The following AP1S2 variants were observed in gnomAD, a reference collection of about 807,000 sequenced individuals.
AP1S2 encodes the protein AP-1 complex subunit sigma-2.
AP1S2 carries 1 observed loss-of-function variant against 14.3 expected under a neutral mutation model. The observed-to-expected ratio is 0.07, with a 90% CI of 0.02 to 0.33. The LOEUF is 0.33. Ranked by LOEUF, AP1S2 falls within the 10% of genes least tolerant of loss-of-function variation. The pLI is 0.99. For synonymous variants in AP1S2, 30 were observed against 40.5 expected, an observed-to-expected ratio of 0.74 and a Z score of 0.99; for missense variants, 30 against 117.7, an observed-to-expected ratio of 0.25 and a Z score of 3.45.
intron 4 of AP1S2, chrX:15,833,495 GA>G: frequency 2.3e-6 from 2 of 866,231 alleles, no homozygotes; most frequent in South Asian, 3.0e-5. Flanking sequence ...CTCTTCACTG[GA>G]AAAACATCCT....
chrX:15,830,217 TG>T (rs1933388602), intron 4 of AP1S2: 1 of 750,575 alleles, frequency 1.3e-6, no homozygotes, highest in Non-Finnish European at 1.6e-6. Context: ...TGCATATTTA[TG>T]TAGCATTAAA....
chrX:15,826,656 T>C lies in AP1S2; in HGVS notation c.*669A>G, dbSNP rs1441409542. On this transcript the variant is annotated 3_prime_UTR_variant, in exon 6 of 6. Coordinates refer to ENST00000672987, the MANE Select transcript of AP1S2 (RefSeq NM_001272071.2). ...AAATGTGCCTTGGCCTTAAAAATTA[T>C]GTGCTTACTATTGTGAAACAATCCT... 9.0e-6 allele frequency: 1 copy of C among 111,058 alleles called. No individual in the cohort carries two copies. The highest frequency in any genetic ancestry group is 9.6e-5 in the Admixed American group (1 of 10,418). 9.2% of individuals were successfully genotyped at this position (111,058 alleles called of 1,213,427 possible). A position where few individuals can be genotyped will look rare whatever the true frequency, so the allele number is the denominator to read the frequency against.
intron 4 of AP1S2, among the ~76,000 whole-genome samples, chrX:15,834,466 AT>A (rs1172475807): frequency 0.064 from 2,323 of 36,070 alleles, 129 homozygotes; most frequent in Middle Eastern, 0.12. Flanking sequence ...ATATATATAT[AT>A]ATATATATAT....
intron 4 of AP1S2, among the ~76,000 whole-genome samples, chrX:15,841,368 G>C (rs901441594): frequency 9.0e-6 from 1 of 111,168 alleles, no homozygotes; most frequent in Non-Finnish European, 1.9e-5. Context: ...GTCATCTTTG[G>C]TGCTTAGAAA....
chrX:15,854,370 G>A (rs1453648779), intron 1 of AP1S2, among the ~76,000 whole-genome samples: 10 of 112,259 alleles, frequency 8.9e-5, no homozygotes, highest in African/African-American at 3.2e-4. Context: ...CGCAGGGGGC[G>A]CCAAGAGTCC....
intron 4 of AP1S2, chrX:15,833,177 C>A: frequency 1.3e-6 from 1 of 753,865 alleles, no homozygotes; most frequent in Non-Finnish European, 1.6e-6. Context: ...CATGTAAAAA[C>A]CAACCATCGA....
intron 4 of AP1S2, among the ~76,000 whole-genome samples, chrX:15,836,507 T>G (rs891421893): frequency 1.8e-5 from 2 of 112,443 alleles, no homozygotes; most frequent in Non-Finnish European, 3.8e-5. Flanking sequence ...CTACATCTTA[T>G]AAATAACACT....
At chrX:15,851,900 CGTGA>C (rs1934191329) in intron 2 of AP1S2, among the ~76,000 whole-genome samples, 1 of 112,033 alleles carries the variant, frequency 8.9e-6, no homozygotes, top group Non-Finnish European at 1.9e-5. Flanking sequence ...GGTATTTACA[CGTGA>C]GTAAGATTCT....
At chrX:15,850,362 G>T (rs1278361366) in intron 2 of AP1S2, among the ~76,000 whole-genome samples, 2 of 110,111 alleles carry the variant, frequency 1.8e-5, no homozygotes, top group Non-Finnish European at 3.8e-5. Flanking sequence ...TCTCCGCTTT[G>T]TTGTTGTCGT....
chrX:15,849,650 C>T (rs907300796), intron 2 of AP1S2, among the ~76,000 whole-genome samples: 7 of 111,905 alleles, frequency 6.3e-5, no homozygotes, highest in African/African-American at 2.0e-4. Context: ...TGGCTCAACA[C>T]GGACAGACTG....
At chrX:15,845,304 G>GT in intron 4 of AP1S2, 75 bp downstream of exon 4, 1 of 1,197,479 alleles carries the variant, frequency 8.4e-7, no homozygotes, top group South Asian at 1.8e-5. Context: ...TTCTGAAACT[G>GT]TAAGAATGAT....
At chrX:15,854,554 C>T in intron 1 of AP1S2, 134 bp downstream of exon 1, 1 of 157,678 alleles carries the variant, frequency 6.3e-6, no homozygotes, top group Non-Finnish European at 1.1e-5. Context: ...GTTGCGGGCG[C>T]GGCGACCCAG....
intron 1 of AP1S2, chrX:15,852,739 A>T: frequency 5.2e-6 from 2 of 388,092 alleles, no homozygotes; most frequent in African/African-American, 2.7e-5. Context: ...GTTCCACATT[A>T]AGTTTGAAGG....
chrX:15,827,388 G>T lies in AP1S2; in HGVS notation c.436-16C>A, dbSNP rs1316168525. On this transcript the variant is annotated splice_polypyrimidine_tract_variant and intron_variant, in intron 5 of 5. Coordinates refer to ENST00000672987, the MANE Select transcript of AP1S2 (RefSeq NM_001272071.2). Reference sequence around the variant, plus strand: ...TTTCAGCTTCCTGTGGAGGGAAAATGTGAGACTCTGGTAAGCAGATCCAGG... The same window carrying T: ...TTTCAGCTTCCTGTGGAGGGAAAATTTGAGACTCTGGTAAGCAGATCCAGG... 8.4e-7 allele frequency: 1 copy of T among 1,189,471 alleles called. No individual in the cohort carries two copies. The highest frequency in any genetic ancestry group is 1.1e-6 in the Non-Finnish European group (1 of 875,056).
At position 15,827,235 on chromosome X, in the gene AP1S2, A is replaced by C. The variant is rs1284808824; in HGVS notation, c.*90T>G. On this transcript the variant is annotated 3_prime_UTR_variant, in exon 6 of 6. Transcript: ENST00000672987. ...AAAACAGTAATACTGACAAGACATC[A>C]TCTTACACCATGAGCTAACATGGAC... 48 of 877,507 alleles carry C rather than the reference A, an allele frequency of 5.5e-5. No individual in the cohort carries two copies. In the Admixed American group the frequency reaches 1.1e-3, roughly 19 times the overall value. 72.3% of individuals were successfully genotyped at this position (877,507 alleles called of 1,213,427 possible).
At chrX:15,837,062 T>A (rs1601849359) in intron 4 of AP1S2, among the ~76,000 whole-genome samples, 1 of 111,662 alleles carries the variant, frequency 9.0e-6, no homozygotes, top group African/African-American at 3.3e-5. Flanking sequence ...TGTGCCCAGC[T>A]AGCAAATATA....
intron 4 of AP1S2, chrX:15,832,957 C>T (rs1175669407): frequency 2.6e-5 from 29 of 1,118,631 alleles, no homozygotes; most frequent in South Asian, 1.4e-4. Context: ...TATTCTAGTA[C>T]GCTTTCTTAA....
At chrX:15,834,764 G>T (rs1373170089) in intron 4 of AP1S2, among the ~76,000 whole-genome samples, 1 of 104,669 alleles carries the variant, frequency 9.6e-6, no homozygotes, top group Non-Finnish European at 2.0e-5. Flanking sequence ...GGATTACATA[G>T]TGAACCACTA....
chrX:15,841,322 CT>C (rs1464519026), intron 4 of AP1S2, among the ~76,000 whole-genome samples: 2 of 110,693 alleles, frequency 1.8e-5, no homozygotes, highest in African/African-American at 6.6e-5. Context: ...GTGTATACAC[CT>C]TTAAGCCAAC....
Sources: gnomAD v4.1 joint callset for allele counts (sites outside exome capture counted in the v4.1 genomes callset) on GRCh38, gnomAD v4.1.1 for gene constraint, MANE v1.5 for transcripts, NCBI Gene and HGNC (gene_info 2026-07-23, HGNC 2026-07-21) for gene names.